Variants in MCTP1 observed in about 807,000 individuals in gnomAD.
MCTP1 encodes multiple C2 and transmembrane domain containing 1.
MCTP1 carries 69 observed loss-of-function variants against 120.6 expected under a neutral mutation model. That is an observed-to-expected ratio of 0.57 (90% CI 0.47 to 0.70). The LOEUF (loss-of-function observed/expected upper bound fraction) is 0.70, where lower values mean the gene tolerates loss of function less well. Among genes scored for constraint, MCTP1 ranks in the 30% least tolerant of loss-of-function variants. MCTP1 has a pLI of 0.00. For missense variants in MCTP1, 1,203 were observed against 1,248.8 expected (o/e 0.96, Z 0.55); for synonymous variants, 529 against 493.1 (o/e 1.07, Z -0.96).
chr5:94,746,340 C>G (rs2152776333), intron 19 of MCTP1, among the ~76,000 whole-genome samples: 1 of 152,294 alleles, frequency 6.6e-6, no homozygotes, highest in African/African-American at 2.4e-5. Flanking sequence ...TTTATTTCCC[C>G]TCCCAGATTG....
At chr5:95,103,244 T>C (rs903943068) in intron 1 of MCTP1, among the ~76,000 whole-genome samples, 18 of 152,064 alleles carry the variant, frequency 1.2e-4, no homozygotes, top group African/African-American at 4.3e-4. Context: ...CACAAATATA[T>C]ACGTAAGCTT....
At chr5:94,912,430 A>C in intron 9 of MCTP1, among the ~76,000 whole-genome samples, 1 of 26,714 alleles carries the variant, frequency 3.7e-5, no homozygotes. Context: ...GACTCCATCA[A>C]AAAAAAAAAA....
intron 1 of MCTP1, among the ~76,000 whole-genome samples, chr5:95,213,799 T>C (rs1438996889): frequency 1.3e-5 from 2 of 151,986 alleles, no homozygotes; most frequent in Non-Finnish European, 2.9e-5. Flanking sequence ...GCTGGGAAAA[T>C]GGGCTAGCCA....
intron 1 of MCTP1, among the ~76,000 whole-genome samples, chr5:95,244,239 G>A (rs1178269341): frequency 1.3e-5 from 2 of 152,252 alleles, no homozygotes; most frequent in East Asian, 3.9e-4. Context: ...TCTGTATATC[G>A]GTCTATAGCT....
At chr5:94,872,065 C>A (rs1290088302) in intron 13 of MCTP1, among the ~76,000 whole-genome samples, 1 of 152,094 alleles carries the variant, frequency 6.6e-6, no homozygotes, top group African/African-American at 2.4e-5. Context: ...ACTGCGTGAG[C>A]TCTTCATATT....
At chr5:94,825,153 C>T (rs1047495738) in intron 17 of MCTP1, among the ~76,000 whole-genome samples, 9 of 152,112 alleles carry the variant, frequency 5.9e-5, no homozygotes, top group African/African-American at 2.2e-4. Flanking sequence ...CTGGATATTT[C>T]CCATTTTCTC....
At chr5:95,214,326 C>T (rs1458860806) in intron 1 of MCTP1, among the ~76,000 whole-genome samples, 1 of 152,050 alleles carries the variant, frequency 6.6e-6, no homozygotes, top group Non-Finnish European at 1.5e-5. Flanking sequence ...TACCATCTCA[C>T]ACCAGTTAGA....
chr5:95,004,255 T>A (rs553147784), intron 2 of MCTP1, among the ~76,000 whole-genome samples: 2 of 152,198 alleles, frequency 1.3e-5, no homozygotes, highest in Non-Finnish European at 2.9e-5. Flanking sequence ...TGTACACTCA[T>A]ATGCATGTGC....
At chr5:95,252,484 G>C (rs187743682) in intron 1 of MCTP1, among the ~76,000 whole-genome samples, 2 of 152,248 alleles carry the variant, frequency 1.3e-5, no homozygotes, top group East Asian at 1.9e-4. Context: ...AAGAGATAAA[G>C]AATGTGCAAT....
At chr5:95,075,324 CTATAAA>C (rs1159738698) in intron 1 of MCTP1, among the ~76,000 whole-genome samples, 3 of 152,154 alleles carry the variant, frequency 2.0e-5, no homozygotes, top group African/African-American at 4.8e-5. Flanking sequence ...TTCTCTGAGC[CTATAAA>C]TATAAGTTAA....
intron 1 of MCTP1, among the ~76,000 whole-genome samples, chr5:95,087,482 T>C (rs1419910739): frequency 6.6e-6 from 1 of 152,180 alleles, no homozygotes; most frequent in Non-Finnish European, 1.5e-5. Flanking sequence ...TCTGCTCAGC[T>C]CCAGATGGTT....
chr5:95,225,654 A>C (rs1031897617), intron 1 of MCTP1, among the ~76,000 whole-genome samples: 2 of 152,130 alleles, frequency 1.3e-5, no homozygotes, highest in African/African-American at 4.8e-5. Context: ...CATTCCACTG[A>C]GAGGTTACAG....
chr5:94,830,265 C>A (rs575757068), intron 17 of MCTP1, among the ~76,000 whole-genome samples: 1 of 152,192 alleles, frequency 6.6e-6, no homozygotes, highest in African/African-American at 2.4e-5. Flanking sequence ...AACTCACTCT[C>A]AAGAAGTACA....
At chr5:95,209,739 C>G (rs145055208) in intron 1 of MCTP1, among the ~76,000 whole-genome samples, 90 of 152,246 alleles carry the variant, frequency 5.9e-4, no homozygotes, top group African/African-American at 1.9e-3. Context: ...AATTATCTTT[C>G]AAGGTTTTGT....
Position 95,186,737 on chromosome 5 carries a change from C to T in MCTP1, c.720+97119G>A, listed in dbSNP as rs78777955. Among the ~76,000 whole-genome samples, 325 of 152,210 alleles carry T rather than the reference C, an allele frequency of 2.1e-3. 1 individual carries two copies. The highest frequency in any genetic ancestry group is 7.0e-3 in the African/African-American group (291 of 41,534). On this transcript the variant is annotated intron_variant, in intron 1 of 22. Transcript: ENST00000515393. ...AAAGTAGGTACAGAAATCACTCTGC[C>T]TTTTAATAAGGCTTACATTATTAGC...
At chr5:94,942,871 G>A (rs1479593034) in intron 3 of MCTP1, among the ~76,000 whole-genome samples, 1 of 151,974 alleles carries the variant, frequency 6.6e-6, no homozygotes, top group Non-Finnish European at 1.5e-5. Flanking sequence ...AAGATACTAT[G>A]ATTAACCTAC....
intron 10 of MCTP1, among the ~76,000 whole-genome samples, chr5:94,907,391 G>T (rs192256482): frequency 2.0e-5 from 3 of 152,216 alleles, no homozygotes; most frequent in African/African-American, 7.2e-5. Context: ...CACTACTCCA[G>T]AGCTGTCTTG....
intron 2 of MCTP1, among the ~76,000 whole-genome samples, chr5:95,011,557 T>G (rs11135417): frequency 0.94 from 142,457 of 152,084 alleles, 67,414 homozygotes; most frequent in East Asian, 1. Context: ...TCTCATGATA[T>G]CGAGTGAATT....
At chr5:95,232,125 C>A (rs1755017328) in intron 1 of MCTP1, among the ~76,000 whole-genome samples, 1 of 141,282 alleles carries the variant, frequency 7.1e-6, no homozygotes, top group South Asian at 2.2e-4. Flanking sequence ...GAGGATAAAA[C>A]CACTGCCAGA....
Sources: gnomAD v4.1 joint callset for allele counts (sites outside exome capture counted in the v4.1 genomes callset) on GRCh38, gnomAD v4.1.1 for gene constraint, MANE v1.5 for transcripts, NCBI Gene and HGNC (gene_info 2026-07-23, HGNC 2026-07-21) for gene names.